Variants in NLRP7 observed in about 807,000 individuals in gnomAD.
NLRP7 encodes NLR family pyrin domain containing 7.
Under a neutral mutation model 85.5 loss-of-function variants are expected in NLRP7, and 72 were observed. The observed-to-expected ratio is 0.84, with a 90% confidence interval of 0.70 to 1.02. NLRP7 has a LOEUF of 1.02. Ranked by LOEUF, NLRP7 falls within the 50% of genes least tolerant of loss-of-function variation. The pLI is 0.00. For missense variants in NLRP7, 1,243 were observed against 1,219.5 expected (o/e 1.02, Z -0.29); for synonymous variants, 550 against 505.2 (o/e 1.09, Z -1.19).
chr19:54,923,891 A>T lies in NLRP7; in HGVS notation c.2811-19T>A. ...CTTCAACCTGGAGGGATCAGAGAACACAAATGTTCCCAGAAATTCATTCTC... is the reference window on the plus strand; with the variant it reads ...CTTCAACCTGGAGGGATCAGAGAACTCAAATGTTCCCAGAAATTCATTCTC... On this transcript the variant is annotated intron_variant, in intron 9 of 9. Transcript: ENST00000340844. 1 of 1,609,944 alleles carries T rather than the reference A, an allele frequency of 6.2e-7. No individual in the cohort carries two copies. Among genetic ancestry groups the T allele is most frequent in the Non-Finnish European group, 8.5e-7 (1 of 1,178,908 alleles).
chr19:54,933,397 G>A (rs1050706059), intron 8 of NLRP7, among the ~76,000 whole-genome samples, 172 bp downstream of exon 8: 4 of 152,030 alleles, frequency 2.6e-5, no homozygotes, highest in African/African-American at 7.2e-5. Context: ...CACCCGCCTC[G>A]GCCTCCCAAA....
intron 9 of NLRP7, among the ~76,000 whole-genome samples, chr19:54,924,563 G>A (rs2124087): frequency 0.11 from 16,428 of 152,216 alleles, 1,074 homozygotes; most frequent in Middle Eastern, 0.25. Context: ...GGCGGAGGTT[G>A]CAACGAGCTA....
chr19:54,954,001 C>T (rs547748589), intron 1 of NLRP7, among the ~76,000 whole-genome samples: 5 of 150,652 alleles, frequency 3.3e-5, no homozygotes, highest in Non-Finnish European at 7.4e-5. Flanking sequence ...AGCGAGACTC[C>T]GTCTCAAAAA....
rs2068833242 is a variant in NLRP7 at position 54,934,740 on chromosome 19, C to T, written c.2301-81G>A. The T allele has an allele frequency of 8.6e-7, 1 of 1,167,188 alleles. No individual in the cohort carries two copies. Among genetic ancestry groups the T allele is most frequent in the Non-Finnish European group, 1.2e-6 (1 of 830,114 alleles). 72.3% of individuals were successfully genotyped at this position (1,167,188 alleles called of 1,614,324 possible). ...GCTTTTTTTTTTTGAGACAGAGTTT[C>T]ACTCTGTTGCCCAGTCTGGAATGCA... On this transcript the variant is annotated intron_variant, in intron 6 of 9. Transcript: ENST00000340844. This position sits in a 1 kb window ranked among gnomAD's most constrained non-coding sequence, Gnocchi z 6.7.
In NLRP7 at chr19:54,928,177, G is replaced by A. The variant is rs617543; in HGVS notation, c.2810+2322C>T. On this transcript the variant is annotated intron_variant, in intron 9 of 9. Transcript: ENST00000340844. ...GGAGGTTACAGTGAGCCCAGATTGCGCCACTGCACTCCAGCCTGGGCAATA... is the reference window on the plus strand; with the variant it reads ...GGAGGTTACAGTGAGCCCAGATTGCACCACTGCACTCCAGCCTGGGCAATA... 0.55 allele frequency among the ~76,000 whole-genome samples: 84,150 copies of A among 151,680 alleles called. 23,560 individuals carry two copies. Among genetic ancestry groups the A allele is most frequent in the East Asian group, 0.72 (3,676 of 5,132 alleles).
intron 1 of NLRP7, among the ~76,000 whole-genome samples, chr19:54,960,549 T>C (rs1460331808): frequency 1.5e-5 from 2 of 133,262 alleles, no homozygotes; most frequent in East Asian, 4.2e-4. Context: ...ATTTCCTCAA[T>C]AGAACAAAAG....
exon 8 of NLRP7, chr19:54,933,694 A>G: frequency 6.2e-7 from 1 of 1,614,216 alleles, no homozygotes; most frequent in East Asian, 2.2e-5. Context: ...CCAAGACAGC[A>G]GCAAGGTCCT....
exon 10 of NLRP7, chr19:54,923,833 C>T: frequency 6.2e-7 from 1 of 1,614,046 alleles, no homozygotes; most frequent in Non-Finnish European, 8.5e-7. Flanking sequence ...CTTCCTCCAA[C>T]AGCTTCTTGA....
chr19:54,936,160 C>G, intron 6 of NLRP7, 101 bp downstream of exon 6: 1 of 1,017,142 alleles, frequency 9.8e-7, no homozygotes. Flanking sequence ...CATTCCCTGT[C>G]TGGGACGGCA....
At chr19:54,958,009 A>C (rs1451563219) in intron 1 of NLRP7, among the ~76,000 whole-genome samples, 1 of 151,998 alleles carries the variant, frequency 6.6e-6, no homozygotes, top group Non-Finnish European at 1.5e-5. Flanking sequence ...TGAGGTCAGG[A>C]GTCCGAGACT....
rs139417508 is a variant in NLRP7, at chr19:54,933,669, G to A, written c.2542C>T (p.Leu848=). The A allele has an allele frequency of 4.5e-5, 73 of 1,614,158 alleles. No homozygotes were observed. In the Middle Eastern group the frequency reaches 9.9e-4, roughly 22 times the overall value. Residue 848 remains leucine (L), a synonymous_variant, in exon 8 of 10, where the codon CTG becomes TTG. Coordinates refer to ENST00000340844, the Ensembl canonical transcript of NLRP7. ...TTCTTGGCCAAGCACAGGTGTGTCA[G>A]CTTCTTGCTGACAACCAAGACAGCA...
At chr19:54,924,801 T>A (rs537867934) in intron 9 of NLRP7, among the ~76,000 whole-genome samples, 3 of 152,054 alleles carry the variant, frequency 2.0e-5, no homozygotes, top group African/African-American at 7.2e-5. Context: ...CTGGGCATGG[T>A]GGCAGACAAC....
At chr19:54,928,932 A>G (rs2068557963) in intron 9 of NLRP7, among the ~76,000 whole-genome samples, 1 of 152,040 alleles carries the variant, frequency 6.6e-6, no homozygotes, top group South Asian at 2.1e-4. Context: ...CCTCCCGAGA[A>G]TCTAGGATTA....
intron 1 of NLRP7, among the ~76,000 whole-genome samples, chr19:54,957,867 C>T (rs983857576): frequency 7.2e-5 from 11 of 152,036 alleles, no homozygotes; most frequent in Non-Finnish European, 1.3e-4. Context: ...CCATGGAGCC[C>T]AAGAGTTCAA....
At chr19:54,939,906 C>A (rs765118902) in exon 4 of NLRP7, 1 of 1,614,112 alleles carries the variant, frequency 6.2e-7, no homozygotes. Context: ...TCCCTCAGTG[C>A]CCTGGGCCGC....
chr19:54,924,519 G>A (rs999865479), intron 9 of NLRP7, among the ~76,000 whole-genome samples: 4 of 152,184 alleles, frequency 2.6e-5, no homozygotes, highest in African/African-American at 9.6e-5. Context: ...AGCTACTCGG[G>A]AGGCGGAGGC....
At chr19:54,940,549 A>G in intron 3 of NLRP7, 83 bp from the exon 4 acceptor site, 1 of 1,478,986 alleles carries the variant, frequency 6.8e-7, no homozygotes, top group South Asian at 1.1e-5. Context: ...AATGAGGGCC[A>G]GGCACGGTGT....
chr19:54,943,480 A>G (rs1317169016), intron 1 of NLRP7, among the ~76,000 whole-genome samples: 3 of 151,756 alleles, frequency 2.0e-5, no homozygotes, highest in South Asian at 2.1e-4. Flanking sequence ...GGGCGCCTGT[A>G]GTCCCAGCTA....
chr19:54,962,776 T>C (rs1426413472), intron 1 of NLRP7, among the ~76,000 whole-genome samples: 1 of 150,078 alleles, frequency 6.7e-6, no homozygotes, highest in Non-Finnish European at 1.5e-5. Flanking sequence ...ATTTTTTGTA[T>C]TTTTAGTAGA....
Sources: gnomAD v4.1 joint callset for allele counts (sites outside exome capture counted in the v4.1 genomes callset) on GRCh38, gnomAD v4.1.1 for gene constraint, Gnocchi (gnomAD v3.1) non-coding constraint, MANE v1.5 for transcripts, NCBI Gene and HGNC (gene_info 2026-07-23, HGNC 2026-07-21) for gene names.